ARHGAP19: variants seen among roughly 807,000 people sequenced by gnomAD.
The protein encoded by ARHGAP19 is rho GTPase-activating protein 19.
Under a neutral mutation model 60.9 loss-of-function variants are expected in ARHGAP19, and 48 were observed. The observed-to-expected ratio is 0.79, with a 90% CI of 0.62 to 1.00. The LOEUF is 1.00. Among genes scored for constraint, ARHGAP19 ranks in the 50% least tolerant of loss-of-function variants. ARHGAP19 has a pLI of 0.00. For synonymous variants in ARHGAP19, 209 were observed against 215.5 expected (o/e 0.97, Z 0.27); for missense variants, 562 against 597.2 (o/e 0.94, Z 0.61).
chr10:97,239,228 C>T (rs1842429332), intron 8 of ARHGAP19, among the ~76,000 whole-genome samples: 4 of 152,310 alleles, frequency 2.6e-5, no homozygotes, highest in Admixed American at 2.0e-4. Flanking sequence ...GGAGCGGTGG[C>T]TCACGCCTGT....
chr10:97,263,042 G>A (rs1842852119), intron 4 of ARHGAP19, among the ~76,000 whole-genome samples: 1 of 152,164 alleles, frequency 6.6e-6, no homozygotes, highest in African/African-American at 2.4e-5. Context: ...GAGCCCGGGA[G>A]AGCAAGGCTG....
Position 97,281,415 on chromosome 10 carries a change from G to C in ARHGAP19, c.56+11157C>G, listed in dbSNP as rs552627756. 7.9e-5 allele frequency among the ~76,000 whole-genome samples: 12 copies of C among 152,066 alleles called. No homozygotes were observed. The East Asian group carries it at 1.5e-3, about 20-fold the overall frequency. ...TGAGACCCTGTTTCAAAAAAGAAAA[G>C]AGTTTCTATACTTGTAGTCAGCCAG... On this transcript the variant is annotated intron_variant, in intron 1 of 11. Transcript: ENST00000358531.
intron 6 of ARHGAP19, among the ~76,000 whole-genome samples, chr10:97,250,768 TA>T (rs955353178): frequency 2.0e-5 from 3 of 149,970 alleles, no homozygotes; most frequent in Non-Finnish European, 3.0e-5. Flanking sequence ...CTATTTCATT[TA>T]AAAAAAAGAA....
intron 2 of ARHGAP19, 39 bp from the exon 3 acceptor site, chr10:97,264,945 C>T (rs773734321): frequency 2.4e-5 from 35 of 1,450,376 alleles, no homozygotes; most frequent in Non-Finnish European, 3.4e-5. Flanking sequence ...ATATTTCACA[C>T]AAATAGTACA....
At position 97,242,901 on chromosome 10, in the gene ARHGAP19, A is replaced by G. The variant is rs137954480; in HGVS notation, c.1185+1067T>C. 5.3e-4 allele frequency among the ~76,000 whole-genome samples: 80 copies of G among 151,852 alleles called. 2 individuals are homozygous for G. The East Asian group carries it at 0.015, about 28-fold the overall frequency. On this transcript the variant is annotated intron_variant, in intron 8 of 11. Transcript: ENST00000358531. ...CCGATCTCAGGTGATCCACCCGCCT[A>G]GGCCTCCCAAAGTGCTGGGATTACA...
intron 7 of ARHGAP19, among the ~76,000 whole-genome samples, chr10:97,245,193 G>A (rs1214758440): frequency 6.6e-6 from 1 of 151,896 alleles, no homozygotes; most frequent in Non-Finnish European, 1.5e-5. Context: ...TTTTGGTAGA[G>A]ACTGGGTTTG....
chr10:97,282,861 A>G (rs1398075777), intron 1 of ARHGAP19, among the ~76,000 whole-genome samples: 2 of 61,858 alleles, frequency 3.2e-5, no homozygotes, highest in African/African-American at 6.0e-5. Flanking sequence ...TTTTTTTTTG[A>G]GACAGAGTCT....
rs35980234 is a variant in ARHGAP19, at chr10:97,272,131, C to CTTTTTTTTTTTTTTTTTTTTTTTTTTTT, written c.57-6007_57-6006insAAAAAAAAAAAAAAAAAAAAAAAAAAAA. ...TTATACACTTAGGTGGGAAATATGT[C>CTTTTTTTTTTTTTTTTTTTTTTTTTTTT]TTTTTTTTTTTTTTTTTTTTTTCAG... On this transcript the variant is annotated intron_variant, in intron 1 of 11. Coordinates refer to ENST00000358531, the MANE Select transcript of ARHGAP19 (RefSeq NM_032900.6). Among the ~76,000 whole-genome samples the CTTTTTTTTTTTTTTTTTTTTTTTTTTTT allele has an allele frequency of 2.5e-4, 21 of 85,634 alleles. 1 individual carries two copies. The highest frequency in any genetic ancestry group is 3.4e-4 in the Non-Finnish European group (17 of 49,348). 56.2% of individuals were successfully genotyped at this position (85,634 alleles called of 152,430 possible).
At chr10:97,245,622 CATT>C (rs1288359592) in intron 7 of ARHGAP19, among the ~76,000 whole-genome samples, 4 of 146,494 alleles carry the variant, frequency 2.7e-5, no homozygotes, top group South Asian at 2.2e-4. Context: ...AAAAAATCAT[CATT>C]ATCATATCTG....
chr10:97,284,470 A>G (rs1843127908), intron 1 of ARHGAP19, among the ~76,000 whole-genome samples: 3 of 152,194 alleles, frequency 2.0e-5, no homozygotes, highest in South Asian at 4.1e-4. Flanking sequence ...TAAATATTAT[A>G]TAAGTTTATT....
At chr10:97,285,677 C>T (rs1391680765) in intron 1 of ARHGAP19, among the ~76,000 whole-genome samples, 1 of 151,978 alleles carries the variant, frequency 6.6e-6, no homozygotes, top group Non-Finnish European at 1.5e-5. Context: ...AACCGCCACA[C>T]ACCCAGCTAA....
chr10:97,252,141 A>G (rs966376866), intron 6 of ARHGAP19, among the ~76,000 whole-genome samples: 1 of 152,052 alleles, frequency 6.6e-6, no homozygotes, highest in Non-Finnish European at 1.5e-5. Flanking sequence ...AATTTTAGGA[A>G]AAATGATAAA....
In ARHGAP19 at chr10:97,257,251, C is replaced by T. The variant is rs1057206626; in HGVS notation, c.841-847G>A. Among the ~76,000 whole-genome samples the T allele has an allele frequency of 5.0e-5, 7 of 140,628 alleles. 1 individual carries two copies. Among genetic ancestry groups the T allele is most frequent in the Admixed American group, 2.8e-4 (4 of 14,182 alleles). The allele number at this position is 140,628 out of a possible 152,430, so 92.3% of individuals were successfully genotyped here. A position where few individuals can be genotyped will look rare whatever the true frequency, so the allele number is the denominator to read the frequency against. The stretch of plus-strand genomic sequence containing the variant: ...CAAAGCCCTCATTTTCAACATGTAT[C>T]TTTGTTACTTTATCTGTTTGCTTTT... On this transcript the variant is annotated intron_variant, in intron 5 of 11. Transcript: ENST00000358531.
intron 1 of ARHGAP19, among the ~76,000 whole-genome samples, chr10:97,286,937 T>A (rs972458522): frequency 4.0e-5 from 5 of 126,064 alleles, no homozygotes; most frequent in African/African-American, 1.6e-4. Flanking sequence ...AAGTGGATAG[T>A]TTTTTTTGTT....
rs1288010867 is a variant in ARHGAP19 at position 97,263,470 on chromosome 10, G to A, written c.563C>T (p.Pro188Leu). The A allele has an allele frequency of 6.2e-6, 10 of 1,613,864 alleles. No homozygotes were observed. The highest frequency in any genetic ancestry group is 2.2e-5 in the East Asian group (1 of 44,878). The change falls in exon 4 of 12, where the codon CCG (proline) becomes CTG (leucine). Residue 188 changes from proline to leucine, a missense_variant. Coordinates refer to ENST00000358531, the MANE Select transcript of ARHGAP19 (RefSeq NM_032900.6). ...GTGTTTATGTGTCAGCAGAGGCTCC[G>A]GCAACTCTCCTAGAAACATCTTCAG... ...TLLKMFLGELPEPLLTHKHFN... is the reference protein window; with the variant it reads ...TLLKMFLGELLEPLLTHKHFN...
At chr10:97,257,929 A>C (rs1225309352) in intron 5 of ARHGAP19, among the ~76,000 whole-genome samples, 1 of 152,174 alleles carries the variant, frequency 6.6e-6, no homozygotes. Flanking sequence ...CTATTACAGT[A>C]AGTCCTCACT....
chr10:97,268,288 C>T (rs553208676), intron 1 of ARHGAP19, among the ~76,000 whole-genome samples: 1 of 152,340 alleles, frequency 6.6e-6, no homozygotes, highest in African/African-American at 2.4e-5. Flanking sequence ...TCACTATCAG[C>T]ATTTTGGTCA....
chr10:97,291,016 C>G, intron 1 of ARHGAP19, among the ~76,000 whole-genome samples: 1 of 152,134 alleles, frequency 6.6e-6, no homozygotes, highest in East Asian at 1.9e-4. Context: ...CCGCATCCAC[C>G]TTTAAACACG....
chr10:97,226,131 T>A lies in ARHGAP19; in HGVS notation c.1476A>T (p.Gly492=), dbSNP rs146362803. ...GACAACTCTGGATCCTTCAGAGAAA[T>A]CCTAGGTTGAAGGAAAAACAAGAGC... The part of the protein sequence containing the change: ...WSEGKKEGKK[G]FL The change falls in exon 12 of 12, where the codon GGA becomes GGT. Residue 492 remains glycine, a splice_region_variant and synonymous_variant. Transcript: ENST00000358531. 2.5e-6 allele frequency: 4 copies of A among 1,613,704 alleles called. No individual in the cohort carries two copies. Among genetic ancestry groups the A allele is most frequent in the Non-Finnish European group, 3.4e-6 (4 of 1,179,884 alleles).
Sources: gnomAD v4.1 joint callset for allele counts (sites outside exome capture counted in the v4.1 genomes callset) on GRCh38, gnomAD v4.1.1 for gene constraint, MANE v1.5 for transcripts, NCBI Gene and HGNC (gene_info 2026-07-23, HGNC 2026-07-21) for gene names.